The following TATDN2 variants were observed in gnomAD, a reference collection of about 807,000 sequenced individuals.
The protein encoded by TATDN2 is 3'-5' RNA nuclease TATDN2.
TATDN2 carries 44 observed loss-of-function variants against 60.3 expected under a neutral mutation model. The ratio of observed to expected loss-of-function variants is 0.73; its 90% confidence interval spans 0.57 to 0.94. The LOEUF (loss-of-function observed/expected upper bound fraction) is 0.94. TATDN2 is among the 40% of genes least tolerant of loss of function. The pLI is 0.00. For missense variants in TATDN2, 997 were observed against 948.0 expected (o/e 1.05, Z -0.68); for synonymous variants, 399 against 355.8 (o/e 1.12, Z -1.37).
intron 3 of TATDN2, among the ~76,000 whole-genome samples, chr3:10,261,159 T>G (rs1698396279): frequency 6.6e-6 from 1 of 152,202 alleles, no homozygotes; most frequent in Non-Finnish European, 1.5e-5. Context: ...AGAGCTTGGC[T>G]CAAGAGTTGC....
chr3:10,259,911 C>G (rs77634477), intron 2 of TATDN2, among the ~76,000 whole-genome samples: 1 of 152,166 alleles, frequency 6.6e-6, no homozygotes, highest in Non-Finnish European at 1.5e-5. Context: ...CGTCCCCTTG[C>G]AGTGAAAGGA....
chr3:10,274,280 T>G (rs540340068), intron 4 of TATDN2, among the ~76,000 whole-genome samples: 1 of 152,358 alleles, frequency 6.6e-6, no homozygotes, highest in African/African-American at 2.4e-5. Flanking sequence ...AAATGTAATG[T>G]TATTGTTCCT....
chr3:10,268,962 A>G (rs1389203486), intron 3 of TATDN2, among the ~76,000 whole-genome samples: 2 of 152,206 alleles, frequency 1.3e-5, no homozygotes, highest in African/African-American at 4.8e-5. Context: ...ACTGTGGGTC[A>G]GGAATTTGGA....
chr3:10,269,337 G>T, intron 3 of TATDN2, among the ~76,000 whole-genome samples: 1 of 152,228 alleles, frequency 6.6e-6, no homozygotes, highest in East Asian at 1.9e-4. Flanking sequence ...TCTCTAGGTA[G>T]GTCCAGATTA....
At chr3:10,256,579 C>T (rs1211288843) in intron 2 of TATDN2, among the ~76,000 whole-genome samples, 1 of 152,034 alleles carries the variant, frequency 6.6e-6, no homozygotes, top group Non-Finnish European at 1.5e-5. Flanking sequence ...GAAAAGTGCA[C>T]TAAATTCAAT....
chr3:10,280,577 C>T lies in TATDN2; in HGVS notation c.*1395C>T, dbSNP rs1698719886. 1 of 153,722 alleles carries T rather than the reference C, an allele frequency of 6.5e-6. No individual in the cohort carries two copies. The highest frequency in any genetic ancestry group is 1.5e-5 in the Non-Finnish European group (1 of 68,044). The allele number at this position is 153,722 out of a possible 1,614,324, so 9.5% of individuals were successfully genotyped here. Reference sequence around the variant, plus strand: ...TACATCCCTTATGGAATCCTAAATTCCTCTAGGTGTTTTTGGAAGGCGCAT... The same window carrying T: ...TACATCCCTTATGGAATCCTAAATTTCTCTAGGTGTTTTTGGAAGGCGCAT... On this transcript the variant is annotated 3_prime_UTR_variant, in exon 8 of 8. Transcript: ENST00000448281.
Position 10,276,352 on chromosome 3 carries a change from C to G in TATDN2, c.1834-9C>G. ...AACCAACAGGGGTTGTCGCTGTGTC[C>G]TCTCCTAGGTATTTGAGAGACAGCT... On this transcript the variant is annotated splice_polypyrimidine_tract_variant and intron_variant, in intron 4 of 7. Transcript: ENST00000448281. 1 of 1,613,540 alleles carries G rather than the reference C, an allele frequency of 6.2e-7. No homozygotes were observed. The highest frequency in any genetic ancestry group is 8.5e-7 in the Non-Finnish European group (1 of 1,179,772).
At chr3:10,279,097 C>G in intron 7 of TATDN2, 34 bp downstream of exon 7, 1 of 1,548,192 alleles carries the variant, frequency 6.5e-7, no homozygotes, top group African/African-American at 1.4e-5. Flanking sequence ...TTTTTAAAAA[C>G]CAGGACAAGT....
chr3:10,276,326 T>C (rs779546535), intron 4 of TATDN2, 35 bp from the exon 5 acceptor site: 3 of 1,610,260 alleles, frequency 1.9e-6, no homozygotes, highest in South Asian at 2.2e-5. Flanking sequence ...GAAGTGCTGC[T>C]AACCAACAGG....
In TATDN2 at chr3:10,257,583, C is replaced by T. The variant is rs1450754801; in HGVS notation, c.415-2554C>T. 6.5e-5 allele frequency among the ~76,000 whole-genome samples: 9 copies of T among 139,172 alleles called. No individual in the cohort carries two copies. The South Asian group carries it at 7.0e-4, about 11-fold the overall frequency. The allele number at this position is 139,172 out of a possible 152,430, so 91.3% of individuals were successfully genotyped here. A position where few individuals can be genotyped will look rare whatever the true frequency, so the allele number is the denominator to read the frequency against. ...GACGGAGGTTGCAGTGAGCTGAGAT[C>T]GCACCACTGTCTCCAAAAAAAAAAA... On this transcript the variant is annotated intron_variant, in intron 2 of 7. Transcript: ENST00000448281.
chr3:10,265,618 C>T (rs1209426909), intron 3 of TATDN2, among the ~76,000 whole-genome samples: 3 of 139,392 alleles, frequency 2.2e-5, no homozygotes, highest in African/African-American at 5.4e-5. Context: ...AGAGGTGGAG[C>T]TTGCAGTGAG....
chr3:10,261,784 G>A (rs1698408568), intron 3 of TATDN2, among the ~76,000 whole-genome samples: 1 of 152,144 alleles, frequency 6.6e-6, no homozygotes, highest in South Asian at 2.1e-4. Flanking sequence ...AATCTTTACT[G>A]TTGATCAGTT....
At chr3:10,257,766 C>T (rs1698333120) in intron 2 of TATDN2, among the ~76,000 whole-genome samples, 1 of 149,188 alleles carries the variant, frequency 6.7e-6, no homozygotes, top group African/African-American at 2.5e-5. Flanking sequence ...GTGAAGTTAG[C>T]AGCTGCCAAC....
In TATDN2 at chr3:10,249,333, C is replaced by G; in HGVS notation, c.133C>G (p.Arg45Gly). Residue 45 changes from arginine (R) to glycine (G), a missense_variant, in exon 2 of 8, where the codon CGT becomes GGT. By Grantham distance (125) the Arg-to-Gly change is moderately radical. Coordinates refer to ENST00000448281, the MANE Select transcript of TATDN2 (RefSeq NM_014760.4). Reference sequence around the variant, plus strand: ...CCGGCCAGCTCAGAGGTCTGCGTCGCGTTCTGGAGGGCCCAGCAGCCCCAA... The same window carrying G: ...CCGGCCAGCTCAGAGGTCTGCGTCGGGTTCTGGAGGGCCCAGCAGCCCCAA... ...SSRPAQRSAS[R>G]SGGPSSPKRL... is the part of the protein sequence containing the mutation. 2 of 1,611,844 alleles carry G rather than the reference C, an allele frequency of 1.2e-6. No homozygotes were observed.
intron 3 of TATDN2, among the ~76,000 whole-genome samples, chr3:10,265,328 C>T (rs557458260): frequency 1.1e-4 from 17 of 150,442 alleles, no homozygotes; most frequent in South Asian, 8.3e-4. Context: ...CCACCTGCCT[C>T]GGCCTCCCAA....
intron 3 of TATDN2, among the ~76,000 whole-genome samples, chr3:10,268,440 C>A (rs1227745502): frequency 6.6e-6 from 1 of 152,156 alleles, no homozygotes; most frequent in Non-Finnish European, 1.5e-5. Context: ...ATTAAGAGAA[C>A]TTTGTAAGGC....
chr3:10,249,089 C>T, intron 1 of TATDN2, 22 bp downstream of exon 1: 2 of 1,325,766 alleles, frequency 1.5e-6, no homozygotes, highest in Non-Finnish European at 2.0e-6. Context: ...TAGCCCCTGG[C>T]TCTGCCCTTA....
chr3:10,275,944 A>T (rs2125181444), intron 4 of TATDN2, among the ~76,000 whole-genome samples: 1 of 152,196 alleles, frequency 6.6e-6, no homozygotes, highest in Non-Finnish European at 1.5e-5. Context: ...TTGAGAGCGG[A>T]GGTGGGGACA....
rs1698654789 is a variant in TATDN2, at chr3:10,277,393, TGTGGGACTGG to T, written c.1962-881_1962-872del. ...GATGGTGGCTTCTGCCTACATAGCATGTGGGACTGGGTGGTCATAGGTGCTGTGGGAGCCA... is the reference window on the plus strand; with the variant it reads ...GATGGTGGCTTCTGCCTACATAGCATGTGGTCATAGGTGCTGTGGGAGCCA... On this transcript the variant is annotated intron_variant, in intron 5 of 7. Transcript: ENST00000448281. Among the ~76,000 whole-genome samples, 3 of 152,108 alleles carry T rather than the reference TGTGGGACTGG, an allele frequency of 2.0e-5. No individual in the cohort carries two copies. In the South Asian group the frequency reaches 6.2e-4, roughly 32 times the overall value.
Sources: allele counts gnomAD v4.1 joint callset (sites outside exome capture counted in the v4.1 genomes callset), GRCh38; gene constraint gnomAD v4.1.1; transcripts MANE v1.5; gene names NCBI Gene and HGNC (gene_info 2026-07-23, HGNC 2026-07-21).